PTPRT: variants seen among roughly 807,000 people sequenced by gnomAD.
The protein encoded by PTPRT is protein tyrosine phosphatase receptor type T, also known as receptor-type tyrosine-protein phosphatase T.
Under a neutral mutation model 176.8 loss-of-function variants are expected in PTPRT, and 56 were observed. The observed-to-expected ratio is 0.32, with a 90% CI of 0.26 to 0.40. The LOEUF (loss-of-function observed/expected upper bound fraction) is 0.40. PTPRT is among the 10% of genes least tolerant of loss of function. The pLI, the probability that PTPRT is intolerant of heterozygous loss-of-function variation, is 1.00. For missense variants in PTPRT, 1,540 were observed against 1,908.2 expected (o/e 0.81, Z 3.60); for synonymous variants, 783 against 739.0 (o/e 1.06, Z -0.96).
chr20:42,644,020 G>C (rs749578185), intron 7 of PTPRT, among the ~76,000 whole-genome samples: 5 of 152,110 alleles, frequency 3.3e-5, no homozygotes, highest in Non-Finnish European at 5.9e-5. Context: ...TGCTCTTCAT[G>C]ATGCAGTGCT....
chr20:43,010,925 G>C (rs1010598009), intron 1 of PTPRT, among the ~76,000 whole-genome samples: 1 of 152,124 alleles, frequency 6.6e-6, no homozygotes, highest in African/African-American at 2.4e-5. Flanking sequence ...GGCAACAGGT[G>C]AGCATCACTT....
intron 1 of PTPRT, among the ~76,000 whole-genome samples, chr20:43,002,721 A>C (rs1984643794): frequency 6.6e-6 from 1 of 152,160 alleles, no homozygotes; most frequent in African/African-American, 2.4e-5. Context: ...AAGTAGCCAA[A>C]GTATACCAAA....
rs145639648 is a variant in PTPRT at position 42,640,025 on chromosome 20, CA to C, written c.1153+37840del. The stretch of plus-strand genomic sequence containing the variant: ...CTATATGATATCTCCTTTTGACAGC[CA>C]AACATCATAAAAGTGTTGTCTACAC... On this transcript the variant is annotated intron_variant, in intron 7 of 30. Coordinates refer to ENST00000373187, the MANE Select transcript of PTPRT (RefSeq NM_007050.6). Among the ~76,000 whole-genome samples the C allele has an allele frequency of 2.5e-3, 373 of 152,216 alleles. 14 individuals carry two copies. In the East Asian group the frequency reaches 0.064, roughly 26 times the overall value.
At chr20:43,182,004 C>G (rs1320378163) in intron 1 of PTPRT, among the ~76,000 whole-genome samples, 3 of 152,198 alleles carry the variant, frequency 2.0e-5, no homozygotes, top group African/African-American at 7.2e-5. Flanking sequence ...GTCAAGATCA[C>G]CCAAGGCCAC....
chr20:42,757,518 C>T (rs1384199896), intron 5 of PTPRT, among the ~76,000 whole-genome samples: 4 of 152,158 alleles, frequency 2.6e-5, no homozygotes, highest in Admixed American at 6.5e-5. Flanking sequence ...TCCCTGGGGA[C>T]ACTCCGTCTT....
chr20:42,198,304 G>A (rs183790742), intron 16 of PTPRT, among the ~76,000 whole-genome samples: 7 of 152,188 alleles, frequency 4.6e-5, no homozygotes, highest in Non-Finnish European at 1.0e-4. Context: ...TTATAGAAGG[G>A]GATAAATTTT....
chr20:42,539,824 G>C (rs1196876240), intron 7 of PTPRT, among the ~76,000 whole-genome samples: 1 of 152,164 alleles, frequency 6.6e-6, no homozygotes, highest in Admixed American at 6.5e-5. Flanking sequence ...AAAAGGGTTA[G>C]AGGATGAAGC....
chr20:43,139,297 A>G (rs2013930522), intron 1 of PTPRT, among the ~76,000 whole-genome samples: 1 of 152,084 alleles, frequency 6.6e-6, no homozygotes. Flanking sequence ...TTTCGCTTAC[A>G]TGGAACCATG....
chr20:42,874,883 C>T (rs906451473), intron 2 of PTPRT, among the ~76,000 whole-genome samples: 3 of 152,152 alleles, frequency 2.0e-5, no homozygotes, highest in Non-Finnish European at 4.4e-5. Context: ...TTTATTCTTT[C>T]TTTCTTTCTT....
intron 2 of PTPRT, among the ~76,000 whole-genome samples, chr20:42,811,398 C>T (rs2077695825): frequency 6.6e-6 from 1 of 151,724 alleles, no homozygotes; most frequent in South Asian, 2.1e-4. Flanking sequence ...TTTTTTTTAA[C>T]ACTGTATTTG....
chr20:43,062,039 A>G (rs1270750136), intron 1 of PTPRT, among the ~76,000 whole-genome samples: 2 of 152,222 alleles, frequency 1.3e-5, no homozygotes, highest in African/African-American at 2.4e-5. Context: ...AGAAAAGATC[A>G]ATCTAATCTA....
intron 29 of PTPRT, among the ~76,000 whole-genome samples, chr20:42,082,562 C>A (rs1337984408): frequency 2.0e-5 from 3 of 152,200 alleles, no homozygotes; most frequent in Non-Finnish European, 4.4e-5. Context: ...CCAGCCCAAG[C>A]TTGGAGGTAG....
chr20:42,982,571 G>GCC (rs895365591), intron 1 of PTPRT, among the ~76,000 whole-genome samples: 23 of 152,176 alleles, frequency 1.5e-4, no homozygotes, highest in African/African-American at 5.3e-4. Flanking sequence ...CTATGTGAAG[G>GCC]CCCTGAGGCA....
At chr20:42,982,155 C>G (rs6030578) in intron 1 of PTPRT, among the ~76,000 whole-genome samples, 5 of 152,206 alleles carry the variant, frequency 3.3e-5, no homozygotes, top group Non-Finnish European at 7.3e-5. Context: ...ACTGAAAGAC[C>G]TTCGTTAGGT....
At chr20:42,661,686 G>T (rs1455827558) in intron 7 of PTPRT, among the ~76,000 whole-genome samples, 1 of 152,150 alleles carries the variant, frequency 6.6e-6, no homozygotes, top group Non-Finnish European at 1.5e-5. Context: ...GATTCCCATT[G>T]ACCTTCGAGA....
chr20:42,462,830 A>G (rs1342312887), intron 8 of PTPRT, among the ~76,000 whole-genome samples: 1 of 152,210 alleles, frequency 6.6e-6, no homozygotes, highest in African/African-American at 2.4e-5. Flanking sequence ...AGGGCTTTAC[A>G]CAGACTTTCA....
intron 15 of PTPRT, among the ~76,000 whole-genome samples, chr20:42,229,074 C>A (rs1339570419): frequency 6.6e-6 from 1 of 152,090 alleles, no homozygotes; most frequent in Non-Finnish European, 1.5e-5. Context: ...AGGAAGAATT[C>A]CAGGAAGAAT....
intron 13 of PTPRT, among the ~76,000 whole-genome samples, chr20:42,269,539 T>C (rs2056895230): frequency 6.6e-6 from 1 of 152,218 alleles, no homozygotes. Context: ...AGCCCCACGA[T>C]GGACATCAAC....
chr20:42,315,446 T>G (rs764961607), intron 12 of PTPRT, among the ~76,000 whole-genome samples: 4 of 152,182 alleles, frequency 2.6e-5, no homozygotes, highest in African/African-American at 4.8e-5. Flanking sequence ...AAAGGTTTTA[T>G]GTAAAAAGCC....
Sources: gnomAD v4.1 joint callset for allele counts (sites outside exome capture counted in the v4.1 genomes callset) on GRCh38, gnomAD v4.1.1 for gene constraint, MANE v1.5 for transcripts, NCBI Gene and HGNC (gene_info 2026-07-23, HGNC 2026-07-21) for gene names.